Variants in AFAP1L2 observed in about 807,000 individuals in gnomAD.
AFAP1L2 encodes the protein actin filament associated protein 1 like 2, also known as actin filament-associated protein 1-like 2.
Under a neutral mutation model 99.3 loss-of-function variants are expected in AFAP1L2, and 46 were observed. That is an observed-to-expected ratio of 0.46 (90% CI 0.37 to 0.59). The LOEUF (loss-of-function observed/expected upper bound fraction) is 0.59, where lower values mean the gene tolerates loss of function less well. AFAP1L2 is among the 20% of genes least tolerant of loss of function. The probability of loss-of-function intolerance (pLI) is 0.00; values close to 1 mark genes in which losing one functional copy is unlikely to be tolerated. For synonymous variants in AFAP1L2, 397 were observed against 419.1 expected, an observed-to-expected ratio of 0.95 and a Z score of 0.64; for missense variants, 959 against 1,034.9, an observed-to-expected ratio of 0.93 and a Z score of 1.01.
intron 8 of AFAP1L2, 96 bp from the exon 9 acceptor site, chr10:114,308,613 T>A: frequency 8.9e-7 from 1 of 1,120,370 alleles, no homozygotes; most frequent in Non-Finnish European, 1.3e-6. Context: ...CTCTTGGTTG[T>A]ATGCCAGAGG....
chr10:114,289,134 C>G, the AFAP1L2 span: 1 of 1,614,040 alleles, frequency 6.2e-7, no homozygotes, highest in Non-Finnish European at 8.5e-7. Context: ...ACACCAAACC[C>G]ACCCGGGCTG....
At chr10:114,307,738 C>T in intron 10 of AFAP1L2, 67 bp downstream of exon 10, 1 of 1,384,194 alleles carries the variant, frequency 7.2e-7, no homozygotes, top group Non-Finnish European at 1.0e-6. Flanking sequence ...GCTGTCTGAG[C>T]TCGCCTTCCT....
chr10:114,292,273 G>A (rs1442757291), downstream of AFAP1L2, among the ~76,000 whole-genome samples: 1 of 151,954 alleles, frequency 6.6e-6, no homozygotes. Flanking sequence ...GTAAAAATCT[G>A]TCTCAAAAAG....
At chr10:114,359,682 T>C (rs2051935388) in intron 1 of AFAP1L2, among the ~76,000 whole-genome samples, 1 of 152,262 alleles carries the variant, frequency 6.6e-6, no homozygotes, top group Admixed American at 6.5e-5. Context: ...TGGCTTAGTA[T>C]GGACCTGGAC....
chr10:114,373,223 GC>G (rs1276670288), intron 1 of AFAP1L2, among the ~76,000 whole-genome samples: 4 of 151,554 alleles, frequency 2.6e-5, no homozygotes, highest in African/African-American at 9.7e-5. Flanking sequence ...AGCCTGTGTG[GC>G]AGTGAGACCC....
At chr10:114,379,950 T>G (rs541154835) in intron 1 of AFAP1L2, among the ~76,000 whole-genome samples, 1 of 152,240 alleles carries the variant, frequency 6.6e-6, no homozygotes, top group South Asian at 2.1e-4. Flanking sequence ...GTATGTTTTC[T>G]GTGGCAAATG....
chr10:114,392,827 A>T (rs573225755), intron 1 of AFAP1L2, among the ~76,000 whole-genome samples: 1 of 152,324 alleles, frequency 6.6e-6, no homozygotes, highest in Non-Finnish European at 1.5e-5. Flanking sequence ...GAGGAACTGA[A>T]GTCTCTCCAC....
intron 4 of AFAP1L2, among the ~76,000 whole-genome samples, chr10:114,327,483 T>G (rs2046553384): frequency 6.6e-6 from 1 of 151,994 alleles, no homozygotes; most frequent in Admixed American, 6.6e-5. Flanking sequence ...CATCAAAACC[T>G]GAAAAACTTT....
chr10:114,393,577 G>A (rs1023985408), intron 1 of AFAP1L2: 1 of 152,238 alleles, frequency 6.6e-6, no homozygotes, highest in Non-Finnish European at 1.5e-5. Context: ...GAGACCTGGA[G>A]GCTGGGGACA....
intron 1 of AFAP1L2, among the ~76,000 whole-genome samples, chr10:114,357,954 G>T (rs563316053): frequency 6.6e-6 from 1 of 152,288 alleles, no homozygotes; most frequent in Non-Finnish European, 1.5e-5. Flanking sequence ...AATTGTGTCT[G>T]TCTCAAATCT....
downstream of AFAP1L2, among the ~76,000 whole-genome samples, chr10:114,292,742 G>A (rs1416798354): frequency 6.6e-6 from 1 of 151,924 alleles, no homozygotes; most frequent in Admixed American, 6.6e-5. Flanking sequence ...TTTTGCTCTT[G>A]TTGCCCAGGC....
chr10:114,321,178 T>G (rs1015271335), intron 5 of AFAP1L2, among the ~76,000 whole-genome samples: 2 of 152,190 alleles, frequency 1.3e-5, no homozygotes, highest in Non-Finnish European at 2.9e-5. Flanking sequence ...CATTCTTTAA[T>G]GATGATTTCT....
downstream of AFAP1L2, chr10:114,291,208 C>T (rs1175559409): frequency 3.2e-6 from 5 of 1,550,546 alleles, no homozygotes; most frequent in South Asian, 5.9e-5. Context: ...GACTTCACTT[C>T]CTTCCCCAGG....
intron 1 of AFAP1L2, among the ~76,000 whole-genome samples, chr10:114,397,163 G>A (rs1197257538): frequency 6.6e-6 from 1 of 151,606 alleles, no homozygotes; most frequent in Non-Finnish European, 1.5e-5. Flanking sequence ...TCTGAATTGT[G>A]ACAAGTATGT....
intron 2 of AFAP1L2, 72 bp downstream of exon 2, chr10:114,340,531 G>T (rs1590321421): frequency 3.3e-6 from 5 of 1,521,178 alleles, no homozygotes; most frequent in Non-Finnish European, 4.4e-6. Flanking sequence ...CCTTAGCTAT[G>T]GCAGCCCGCA....
intron 7 of AFAP1L2, among the ~76,000 whole-genome samples, chr10:114,312,400 G>A (rs756046236): frequency 2.7e-4 from 41 of 152,140 alleles, no homozygotes; most frequent in Non-Finnish European, 5.1e-4. Flanking sequence ...ATATATGTGT[G>A]CAAATGAGTA....
chr10:114,299,638 G>A (rs1012498078), intron 15 of AFAP1L2, among the ~76,000 whole-genome samples: 4 of 152,224 alleles, frequency 2.6e-5, no homozygotes, highest in African/African-American at 9.6e-5. Context: ...TGGATTGAAG[G>A]ATGCAAAGTA....
rs1423067081 is a variant in AFAP1L2, at chr10:114,307,981, A to G, written c.968-72T>C. The stretch of plus-strand genomic sequence containing the variant: ...CACGTGCCCATGAGAGATGGAAAAA[A>G]TAGCAAACCCATTTCCACTCCATCC... On this transcript the variant is annotated intron_variant, in intron 9 of 18. Coordinates refer to ENST00000304129, the MANE Select transcript of AFAP1L2 (RefSeq NM_001001936.3). 3.7e-6 allele frequency: 5 copies of G among 1,354,618 alleles called. No individual in the cohort carries two copies. In the East Asian group the frequency reaches 1.1e-4, roughly 31 times the overall value. The allele number at this position is 1,354,618 out of a possible 1,614,324, so 83.9% of individuals were successfully genotyped here.
chr10:114,309,992 A>C (rs1002952302), intron 8 of AFAP1L2, among the ~76,000 whole-genome samples: 3 of 152,058 alleles, frequency 2.0e-5, no homozygotes, highest in African/African-American at 7.2e-5. Flanking sequence ...CACTGGCGCT[A>C]TCTCAGCTCA....
Sources: allele counts gnomAD v4.1 joint callset (sites outside exome capture counted in the v4.1 genomes callset), GRCh38; gene constraint gnomAD v4.1.1; transcripts MANE v1.5; gene names NCBI Gene and HGNC (gene_info 2026-07-23, HGNC 2026-07-21).